Variants in IGSF11 observed in about 807,000 individuals in gnomAD.
IGSF11 encodes the protein immunoglobulin superfamily member 11.
IGSF11 carries 22 observed loss-of-function variants against 41.0 expected under a neutral mutation model. That is an observed-to-expected ratio of 0.54 (90% confidence interval 0.38 to 0.77). The LOEUF is 0.77. Ranked by LOEUF, IGSF11 falls within the 30% of genes least tolerant of loss-of-function variation. The pLI, the probability that IGSF11 is intolerant of heterozygous loss-of-function variation, is 0.00. For missense variants in IGSF11, 444 were observed against 530.8 expected (o/e 0.84, Z 1.61); for synonymous variants, 219 against 201.3 (o/e 1.09, Z -0.74).
At chr3:118,940,996 T>C (rs1943651877) in intron 1 of IGSF11, among the ~76,000 whole-genome samples, 1 of 149,380 alleles carries the variant, frequency 6.7e-6, no homozygotes, top group African/African-American at 2.5e-5. Context: ...AACATATCAA[T>C]AAAACTATAA....
At chr3:119,089,157 T>C (rs1351728304) in intron 1 of IGSF11, among the ~76,000 whole-genome samples, 1 of 151,910 alleles carries the variant, frequency 6.6e-6, no homozygotes, top group Non-Finnish European at 1.5e-5. Flanking sequence ...TATCCCTCAT[T>C]AACATAGATG....
At chr3:119,041,465 C>T (rs1267319380) in intron 1 of IGSF11, among the ~76,000 whole-genome samples, 1 of 151,982 alleles carries the variant, frequency 6.6e-6, no homozygotes, top group Non-Finnish European at 1.5e-5. Flanking sequence ...ACCTGTAATC[C>T]CAGCTACTAC....
chr3:119,094,951 C>T (rs369373120), intron 1 of IGSF11, among the ~76,000 whole-genome samples: 20 of 152,100 alleles, frequency 1.3e-4, no homozygotes, highest in South Asian at 1.0e-3. Flanking sequence ...GGATTACAGA[C>T]GTGAGCCACC....
At chr3:119,048,481 G>A (rs1030989927) in intron 1 of IGSF11, among the ~76,000 whole-genome samples, 1 of 152,104 alleles carries the variant, frequency 6.6e-6, no homozygotes, top group African/African-American at 2.4e-5. Flanking sequence ...CCAATAACAG[G>A]ATCTGAAAGT....
chr3:118,922,596 C>G (rs1048453836), intron 4 of IGSF11, among the ~76,000 whole-genome samples: 2 of 152,106 alleles, frequency 1.3e-5, no homozygotes, highest in African/African-American at 2.4e-5. Context: ...ACTCCCCAGC[C>G]CATGGAAACC....
chr3:119,003,326 A>C (rs1466158687), intron 1 of IGSF11, among the ~76,000 whole-genome samples: 1 of 146,538 alleles, frequency 6.8e-6, no homozygotes, highest in Non-Finnish European at 1.5e-5. Flanking sequence ...TTGATTTTGT[A>C]TCCTGAGACT....
At chr3:118,976,038 A>G (rs180826940) in intron 1 of IGSF11, among the ~76,000 whole-genome samples, 3 of 151,044 alleles carry the variant, frequency 2.0e-5, no homozygotes, top group African/African-American at 7.3e-5. Context: ...TAAAAATTTT[A>G]AAAAAAACAG....
At chr3:119,108,970 GTGC>G (rs1319528764), upstream of IGSF11, among the ~76,000 whole-genome samples, 2 of 126,574 alleles carry the variant, frequency 1.6e-5, no homozygotes, top group Non-Finnish European at 3.4e-5. Flanking sequence ...GCTTTTTGAT[GTGC>G]TGCTGGATTC....
intron 1 of IGSF11, among the ~76,000 whole-genome samples, chr3:119,129,126 C>T (rs1284903250): frequency 6.6e-6 from 1 of 151,914 alleles, no homozygotes; most frequent in African/African-American, 2.4e-5. Context: ...AACATGGACA[C>T]AGAGAGGGGA....
At chr3:119,108,075 T>C (rs1372917400), upstream of IGSF11, among the ~76,000 whole-genome samples, 1 of 151,340 alleles carries the variant, frequency 6.6e-6, no homozygotes, top group Non-Finnish European at 1.5e-5. Flanking sequence ...ATGCGGGCTC[T>C]TTTTTGGTTC....
At chr3:118,969,477 A>G (rs1933123305) in intron 1 of IGSF11, among the ~76,000 whole-genome samples, 1 of 152,174 alleles carries the variant, frequency 6.6e-6, no homozygotes, top group South Asian at 2.1e-4. Flanking sequence ...GGAACAATGA[A>G]GCGGACACAG....
intron 1 of IGSF11, among the ~76,000 whole-genome samples, chr3:118,967,013 G>GAA (rs927973373): frequency 3.3e-5 from 5 of 151,800 alleles, no homozygotes; most frequent in African/African-American, 1.2e-4. Context: ...GGAGAAGAAA[G>GAA]AAAAAAAGAT....
chr3:119,131,293 C>CT (rs2077477611), intron 1 of IGSF11, among the ~76,000 whole-genome samples: 1 of 152,000 alleles, frequency 6.6e-6, no homozygotes, highest in Non-Finnish European at 1.5e-5. Flanking sequence ...CCCAAGGAAG[C>CT]TAAAAACCTT....
chr3:119,145,771 A>G (rs558957763), intron 1 of IGSF11: 1 of 168,776 alleles, frequency 5.9e-6, no homozygotes, highest in African/African-American at 2.4e-5. Flanking sequence ...ATCTGTTGAC[A>G]TTTGGAGGTG....
At chr3:118,928,368 GGAGAGAA>G in intron 3 of IGSF11, 134 bp downstream of exon 3, 1 of 639,044 alleles carries the variant, frequency 1.6e-6, no homozygotes, top group Non-Finnish European at 2.8e-6. Flanking sequence ...GCATGGAGAA[GGAGAGAA>G]GAGATGGAAC....
At chr3:119,052,041 T>C (rs1941646181) in intron 1 of IGSF11, among the ~76,000 whole-genome samples, 1 of 151,248 alleles carries the variant, frequency 6.6e-6, no homozygotes, top group Admixed American at 6.6e-5. Flanking sequence ...AGAGCACAAA[T>C]AGACAATCTA....
intron 4 of IGSF11, among the ~76,000 whole-genome samples, chr3:118,910,209 A>G (rs1005254054): frequency 6.6e-6 from 1 of 152,168 alleles, no homozygotes; most frequent in Non-Finnish European, 1.5e-5. Flanking sequence ...TGTTCAAGAA[A>G]TGTTACCATT....
At chr3:119,001,114 C>G (rs1936784413) in intron 1 of IGSF11, among the ~76,000 whole-genome samples, 1 of 151,994 alleles carries the variant, frequency 6.6e-6, no homozygotes, top group South Asian at 2.1e-4. Flanking sequence ...CCCTAGATGT[C>G]TGCATGGCTG....
intron 1 of IGSF11, among the ~76,000 whole-genome samples, chr3:119,024,681 T>A (rs536909926): frequency 1.4e-3 from 218 of 152,308 alleles, no homozygotes; most frequent in African/African-American, 5.0e-3. Context: ...GCTTTTTTTT[T>A]AAGCTCACAA....
Sources: allele counts gnomAD v4.1 joint callset (sites outside exome capture counted in the v4.1 genomes callset), GRCh38; gene constraint gnomAD v4.1.1; transcripts MANE v1.5; gene names NCBI Gene and HGNC (gene_info 2026-07-23, HGNC 2026-07-21).